Variants in KRT83 observed in about 807,000 individuals in gnomAD.
KRT83 encodes keratin 83, also known as keratin, type II cuticular Hb3.
Under a neutral mutation model 52.9 loss-of-function variants are expected in KRT83, and 51 were observed. The ratio of observed to expected loss-of-function variants is 0.96; its 90% CI spans 0.77 to 1.22. The LOEUF is 1.22. KRT83 is among the 50% of genes most tolerant of loss of function. KRT83 has a pLI of 0.00. For missense variants in KRT83, 654 were observed against 666.5 expected (o/e 0.98, Z 0.21); for synonymous variants, 278 against 274.1 (o/e 1.01, Z -0.14).
chr12:52,318,816 T>C (rs1387726825), intron 2 of KRT83, among the ~76,000 whole-genome samples: 1 of 152,156 alleles, frequency 6.6e-6, no homozygotes, highest in African/African-American at 2.4e-5. Flanking sequence ...GTGCTGCATG[T>C]GGTAGGTGAT....
intron 6 of KRT83, 61 bp downstream of exon 6, chr12:52,316,407 C>T: frequency 6.2e-7 from 1 of 1,611,924 alleles, no homozygotes; most frequent in Non-Finnish European, 8.5e-7. Flanking sequence ...AACTCAAATC[C>T]CTCTGCCGAG....
chr12:52,316,055 C>T lies in KRT83; in HGVS notation c.1100G>A (p.Ser367Asn), dbSNP rs528339841. The change falls in exon 7 of 9, where the codon AGT becomes AAT. Residue 367 changes from serine to asparagine, a missense_variant. Transcript: ENST00000293670. ...CTCGGCCAGCTTGCAGCGGGCATCACTGAGGGCCGCCTCACCCTGCTGCTC... is the reference window on the plus strand; with the variant it reads ...CTCGGCCAGCTTGCAGCGGGCATCATTGAGGGCCGCCTCACCCTGCTGCTC... Reference protein sequence around the residue: ...QSEQQGEAALSDARCKLAELE... With the variant: ...QSEQQGEAALNDARCKLAELE... The T allele has an allele frequency of 2.0e-4, 323 of 1,613,662 alleles. No homozygotes were observed. The highest frequency in any genetic ancestry group is 2.5e-4 in the Non-Finnish European group (290 of 1,179,874).
At chr12:52,318,479 C>T (rs1938722198) in intron 2 of KRT83, among the ~76,000 whole-genome samples, 1 of 151,968 alleles carries the variant, frequency 6.6e-6, no homozygotes, top group Non-Finnish European at 1.5e-5. Flanking sequence ...CCCTCCCCTG[C>T]CCCCACTCAG....
At position 52,316,252 on chromosome 12, in the gene KRT83, C is replaced by T. The variant is rs534929392; in HGVS notation, c.1042-139G>A. The T allele has an allele frequency of 1.1e-3, 968 of 860,450 alleles. 11 individuals are homozygous for T. The highest frequency in any genetic ancestry group is 9.3e-3 in the Middle Eastern group (27 of 2,914). The allele number at this position is 860,450 out of a possible 1,614,324, so 53.3% of individuals were successfully genotyped here. A position where few individuals can be genotyped will look rare whatever the true frequency, so the allele number is the denominator to read the frequency against. On this transcript the variant is annotated intron_variant, in intron 6 of 8. Transcript: ENST00000293670. Reference sequence around the variant, plus strand: ...AGCTTCCTAACCTTCCTTCCCTCCTCACTTACACTACACACACACACACAC... The same window carrying T: ...AGCTTCCTAACCTTCCTTCCCTCCTTACTTACACTACACACACACACACAC...
In KRT83 at chr12:52,321,305, C is replaced by T; in HGVS notation, c.31G>A (p.Gly11Arg). The T allele has an allele frequency of 6.2e-7, 1 of 1,613,672 alleles. No individual in the cohort carries two copies. Among genetic ancestry groups the T allele is most frequent in the Non-Finnish European group, 8.5e-7 (1 of 1,180,028 alleles). MTCGFNSIGC[G>R]FRPGNFSCVS... ...CAGCTGAAGTTTCCAGGGCGGAACCCACAGCCTATGGAGTTGAAGCCACAG... is the reference window on the plus strand; with the variant it reads ...CAGCTGAAGTTTCCAGGGCGGAACCTACAGCCTATGGAGTTGAAGCCACAG... The change falls in exon 1 of 9, where the codon GGG (glycine) becomes AGG (arginine). Residue 11 changes from glycine (G) to arginine (R), a missense_variant. Transcript: ENST00000293670.
At chr12:52,319,109 C>T in intron 2 of KRT83, 47 bp downstream of exon 2, 1 of 1,611,884 alleles carries the variant, frequency 6.2e-7, no homozygotes, top group South Asian at 1.1e-5. Context: ...CAGGGAGCTG[C>T]CACCATGCTA....
intron 2 of KRT83, among the ~76,000 whole-genome samples, chr12:52,318,565 G>A (rs2857664): frequency 0.51 from 76,989 of 151,920 alleles, 20,056 homozygotes; most frequent in African/African-American, 0.6. Context: ...AGACAGGGAG[G>A]GAGGGGTATG....
chr12:52,318,169 CCT>C (rs1938716175), intron 2 of KRT83, among the ~76,000 whole-genome samples, 199 bp from the exon 3 acceptor site: 1 of 152,032 alleles, frequency 6.6e-6, no homozygotes, highest in South Asian at 2.1e-4. Context: ...TGCCTACTCC[CCT>C]GTTTTTTTTT....
rs766097425 is a variant in KRT83 at position 52,321,080 on chromosome 12, C to A, written c.256G>T (p.Val86Leu). The A allele has an allele frequency of 6.2e-7, 1 of 1,612,330 alleles. No homozygotes were observed. The highest frequency in any genetic ancestry group is 1.3e-5 in the African/African-American group (1 of 75,000). The change falls in exon 1 of 9, where the codon GTG (valine) becomes TTG (leucine). Residue 86 changes from valine (V) to leucine (L), a missense_variant. Val to Leu is a conservative substitution (Grantham distance 32). Transcript: ENST00000293670. ...CGPSPPCITT[V>L]SVNESLLTPL... ...GTGAGGAGGCTCTCGTTGACCGACA[C>A]GGTGGTGATGCATGGGGGGCTGGGT... is the stretch of plus-strand genomic sequence containing the variant.
rs2852463 is a variant in KRT83 at position 52,317,113 on chromosome 12, T to C, written c.751-90A>G. 629,646 of 1,539,110 alleles carry C rather than the reference T, an allele frequency of 0.41. 131,363 individuals carry two copies. The highest frequency in any genetic ancestry group is 0.49 in the African/African-American group (35,625 of 73,150). ...TATCATCCTTTTGGCTCATCGGGAG[T>C]GAACTTCTCATGTTTAGAGAAACAA... On this transcript the variant is annotated intron_variant, in intron 4 of 8. Transcript: ENST00000293670.
Position 52,320,638 on chromosome 12 carries a change from G to A in KRT83, c.384+314C>T, listed in dbSNP as rs7297675. Among the ~76,000 whole-genome samples the A allele has an allele frequency of 0.32, 49,004 of 152,104 alleles. 8,069 individuals carry two copies. The highest frequency in any genetic ancestry group is 0.49 in the East Asian group (2,518 of 5,160). ...GAGACAGCATCTCCTTGGCATTTAA[G>A]CAGTTATTTGGCTTCAAATGCCCTG... On this transcript the variant is annotated intron_variant, in intron 1 of 8. Transcript: ENST00000293670.
intron 1 of KRT83, among the ~76,000 whole-genome samples, chr12:52,319,667 A>G (rs967250322): frequency 6.6e-6 from 1 of 152,198 alleles, no homozygotes; most frequent in Admixed American, 6.5e-5. Context: ...CCTCCTCTGT[A>G]GAGTGGCGAG....
Position 52,316,884 on chromosome 12 carries a change from T to C in KRT83, c.890A>G (p.Glu297Gly). The change falls in exon 5 of 9, where the codon GAG becomes GGG. Residue 297 changes from glutamate to glycine, a missense_variant. Glu to Gly is a moderately conservative substitution (Grantham distance 98). Coordinates refer to ENST00000293670, the MANE Select transcript of KRT83 (RefSeq NM_002282.3). ...CTTGCTGCGATACCAGGACTCGGCC[T>C]CAGCCCGGCTACGGGTGGCAATGTC... is the stretch of plus-strand genomic sequence containing the variant. ...YDDIATRSRA[E>G]AESWYRSKCE... 6.2e-7 allele frequency: 1 copy of C among 1,614,174 alleles called. No homozygotes were observed. The highest frequency in any genetic ancestry group is 8.5e-7 in the Non-Finnish European group (1 of 1,180,034).
At chr12:52,318,017 C>A in intron 2 of KRT83, 47 bp from the exon 3 acceptor site, 1 of 1,556,828 alleles carries the variant, frequency 6.4e-7, no homozygotes, top group South Asian at 1.1e-5. Flanking sequence ...AGCTCTTGAT[C>A]TTGGCCATGA....
chr12:52,316,526 T>C lies in KRT83; in HGVS notation c.983A>G (p.Asn328Ser), dbSNP rs2121340053. The change falls in exon 6 of 9, where the codon AAC (asparagine) becomes AGC (serine). Residue 328 changes from asparagine (N) to serine (S), a missense_variant. Asn to Ser is a conservative substitution (Grantham distance 46, BLOSUM62 1). Transcript: ENST00000293670. The part of the protein sequence containing the change: ...ETLRRTKEEI[N>S]ELNRMIQRLT... ...CCTCTGGATCATGCGGTTCAGCTCGTTGATCTCCTCCTTGGTGCGGCGCAG... is the reference window on the plus strand; with the variant it reads ...CCTCTGGATCATGCGGTTCAGCTCGCTGATCTCCTCCTTGGTGCGGCGCAG... 1.9e-6 allele frequency: 3 copies of C among 1,614,166 alleles called. No homozygotes were observed. Among genetic ancestry groups the C allele is most frequent in the Non-Finnish European group, 2.5e-6 (3 of 1,180,014 alleles).
At chr12:52,319,447 G>A in intron 1 of KRT83, 83 bp from the exon 2 acceptor site, 2 of 1,575,972 alleles carry the variant, frequency 1.3e-6, no homozygotes, top group Non-Finnish European at 8.7e-7. Flanking sequence ...GGGCCTGAAA[G>A]CCCCCAACTC....
chr12:52,316,346 A>C lies in KRT83; in HGVS notation c.1041+122T>G, dbSNP rs1938686931. ...TCAGAAATATTTCAGTAGATTTCTC[A>C]TCTTACTCTGTCACCCATGAGACTG... On this transcript the variant is annotated intron_variant, in intron 6 of 8. Transcript: ENST00000293670. 4 of 1,442,142 alleles carry C rather than the reference A, an allele frequency of 2.8e-6. No individual in the cohort carries two copies. In the Admixed American group the frequency reaches 7.3e-5, roughly 26 times the overall value. The allele number at this position is 1,442,142 out of a possible 1,614,324, so 89.3% of individuals were successfully genotyped here.
In KRT83 at chr12:52,316,964, G is replaced by C. The variant is rs1938698151; in HGVS notation, c.810C>G (p.Asn270Lys). The part of the protein sequence containing the change: ...SDTSVVVKLD[N>K]SRDLNMDCIV... ...TGCAGTCCATGTTCAGGTCCCGGCT[G>C]TTGTCCAGCTTGACAACCACGGAGG... The change falls in exon 5 of 9, where the codon AAC becomes AAG. Residue 270 changes from asparagine (N) to lysine (K), a missense_variant. Transcript: ENST00000293670. 1 of 1,614,088 alleles carries C rather than the reference G, an allele frequency of 6.2e-7. No homozygotes were observed. Among genetic ancestry groups the C allele is most frequent in the Non-Finnish European group, 8.5e-7 (1 of 1,180,050 alleles).
At position 52,321,153 on chromosome 12, in the gene KRT83, G is replaced by A. The variant is rs755364196; in HGVS notation, c.183C>T (p.Ala61=). The A allele has an allele frequency of 1.2e-5, 19 of 1,612,340 alleles. No homozygotes were observed. The highest frequency in any genetic ancestry group is 1.6e-5 in the Non-Finnish European group (19 of 1,179,584). ...GSHSVCGGFR[A]GSCGRSFGYR... is the part of the protein sequence containing the mutation. ...AGCCGAAGCTGCGTCCGCAGGAGCC[G>A]GCGCGGAAGCCCCCGCACACGCTGT... Residue 61 remains alanine (A), a synonymous_variant, in exon 1 of 9, where the codon GCC becomes GCT. Transcript: ENST00000293670.
Sources: gnomAD v4.1 joint callset for allele counts (sites outside exome capture counted in the v4.1 genomes callset) on GRCh38, gnomAD v4.1.1 for gene constraint, MANE v1.5 for transcripts, NCBI Gene and HGNC (gene_info 2026-07-23, HGNC 2026-07-21) for gene names.